The following COL8A1 variants were observed in gnomAD, a reference collection of about 807,000 sequenced individuals.
COL8A1 encodes the protein collagen type VIII alpha 1 chain, also known as collagen alpha-1(VIII) chain.
A neutral mutation model predicts 42.7 loss-of-function variants in COL8A1; 21 were observed. The observed-to-expected ratio is 0.49, with a 90% confidence interval of 0.35 to 0.71. COL8A1 has a LOEUF of 0.71. Among genes scored for constraint, COL8A1 ranks in the 30% least tolerant of loss-of-function variants. COL8A1 has a pLI of 0.01. For synonymous variants in COL8A1, 367 were observed against 369.1 expected (o/e 0.99, Z 0.06); for missense variants, 788 against 962.4 (o/e 0.82, Z 2.40).
intron 1 of COL8A1, chr3:99,680,112 A>C (rs1429298228): frequency 6.6e-6 from 1 of 151,960 alleles, no homozygotes; most frequent in Non-Finnish European, 1.5e-5. Flanking sequence ...CATCATTTAC[A>C]TTAGGTATAT....
intron 2 of COL8A1, among the ~76,000 whole-genome samples, chr3:99,776,280 A>G (rs1941690686): frequency 6.6e-6 from 1 of 152,194 alleles, no homozygotes; most frequent in African/African-American, 2.4e-5. Flanking sequence ...AGAAAAGGGG[A>G]AAAAACAGAA....
At chr3:99,701,735 C>T (rs1939545621) in intron 1 of COL8A1, among the ~76,000 whole-genome samples, 1 of 152,158 alleles carries the variant, frequency 6.6e-6, no homozygotes, top group Non-Finnish European at 1.5e-5. Context: ...AATTTTAGAT[C>T]TGGAAGATCA....
intron 1 of COL8A1, among the ~76,000 whole-genome samples, chr3:99,690,263 T>C (rs1420939939): frequency 6.6e-6 from 1 of 152,236 alleles, no homozygotes; most frequent in Non-Finnish European, 1.5e-5. Flanking sequence ...TTTAATATTC[T>C]TCTGTGCTTT....
chr3:99,768,028 G>A lies in COL8A1; in HGVS notation c.-3-22652G>A, dbSNP rs376602468. Among the ~76,000 whole-genome samples the A allele has an allele frequency of 8.5e-5, 13 of 152,124 alleles. No homozygotes were observed. In the East Asian group the frequency reaches 2.5e-3, roughly 29 times the overall value. On this transcript the variant is annotated intron_variant, in intron 2 of 3. Coordinates refer to ENST00000652472, the MANE Select transcript of COL8A1 (RefSeq NM_020351.4). ...ATAAAAGTAACATTTGATTGAGATC[G>A]GTACATAACTAATCCCATTTCAAAT... is the stretch of plus-strand genomic sequence containing the variant.
rs143982019 is a variant in COL8A1 at position 99,795,695 on chromosome 3, C to T, written c.1794C>T (p.Pro598=). The T allele has an allele frequency of 1.2e-6, 2 of 1,614,130 alleles. No individual in the cohort carries two copies. Among genetic ancestry groups the T allele is most frequent in the Non-Finnish European group, 8.5e-7 (1 of 1,180,018 alleles). Residue 598 remains proline, a synonymous_variant, in exon 4 of 4, where the codon CCC becomes CCT. Coordinates refer to ENST00000652472, the MANE Select transcript of COL8A1 (RefSeq NM_020351.4). ...MGLGIDGVKP[P]HAYGAKKGKN... is the part of the protein sequence containing the mutation. ...TGGGAATTGATGGCGTGAAACCCCC[C>T]CATGCCTACGGGGCTAAGAAAGGCA...
At chr3:99,727,872 C>T (rs1321065102) in intron 1 of COL8A1, among the ~76,000 whole-genome samples, 3 of 151,948 alleles carry the variant, frequency 2.0e-5, no homozygotes, top group Admixed American at 6.6e-5. Flanking sequence ...AGCATATAAA[C>T]AGAACCAAAG....
chr3:99,683,168 T>C (rs1246381142), intron 1 of COL8A1, among the ~76,000 whole-genome samples: 2 of 152,230 alleles, frequency 1.3e-5, no homozygotes, highest in East Asian at 1.9e-4. Context: ...AGTTTTATTA[T>C]AGTACTTATC....
At position 99,795,964 on chromosome 3, in the gene COL8A1, C is replaced by T. The variant is rs573385581; in HGVS notation, c.2063C>T (p.Thr688Met). The T allele has an allele frequency of 2.5e-6, 4 of 1,614,088 alleles. No homozygotes were observed. Among genetic ancestry groups the T allele is most frequent in the African/African-American group, 1.3e-5 (1 of 75,040 alleles). The change falls in exon 4 of 4, where the codon ACG becomes ATG. Residue 688 changes from threonine to methionine, a missense_variant. Physicochemically the swap from Thr to Met is moderately conservative, Grantham distance 81. Coordinates refer to ENST00000652472, the MANE Select transcript of COL8A1 (RefSeq NM_020351.4). ...LFKNNEPVMY[T>M]YDEYKKGFLD... The stretch of plus-strand genomic sequence containing the variant: ...AAGAACAACGAGCCCGTGATGTACA[C>T]GTACGACGAGTACAAAAAGGGCTTC...
chr3:99,794,985 C>G lies in COL8A1; in HGVS notation c.1084C>G (p.Arg362Gly), dbSNP rs558799692. Residue 362 changes from arginine to glycine, a missense_variant, in exon 4 of 4, where the codon CGG becomes GGG. Arg to Gly is a moderately radical substitution (Grantham distance 125). This residue lies in a region of COL8A1 where 421 missense variants were observed against 553.1 expected (regional missense o/e 0.76). Coordinates refer to ENST00000652472, the MANE Select transcript of COL8A1 (RefSeq NM_020351.4). The surrounding 1 kb of genome is among the most constrained non-coding windows in gnomAD (Gnocchi z 4.3). ...AGGCTTCCCAGGACCCAAAGGTGAC[C>G]GGGGCATGGGAGGTGTTCCTGGGGC... ...KPGFPGPKGD[R>G]GMGGVPGALG... 2 of 1,605,198 alleles carry G rather than the reference C, an allele frequency of 1.2e-6. No individual in the cohort carries two copies. Among genetic ancestry groups the G allele is most frequent in the Non-Finnish European group, 1.7e-6 (2 of 1,175,728 alleles).
chr3:99,748,033 A>C (rs1206714992), intron 2 of COL8A1, among the ~76,000 whole-genome samples: 1 of 152,226 alleles, frequency 6.6e-6, no homozygotes, highest in Non-Finnish European at 1.5e-5. Context: ...CTAACAGAGC[A>C]CTTTCACATA....
Position 99,657,503 on chromosome 3 carries a change from C to T in COL8A1, c.-129+18839C>T, listed in dbSNP as rs117288830. The stretch of plus-strand genomic sequence containing the variant: ...AGTAGCTGGTATAGCCTACATATCA[C>T]CCAGTTGAATAATTTATTTCAGTAC... On this transcript the variant is annotated intron_variant, in intron 1 of 3. Transcript: ENST00000652472. Among the ~76,000 whole-genome samples the T allele has an allele frequency of 7.9e-5, 12 of 152,226 alleles. No individual in the cohort carries two copies. In the East Asian group the frequency reaches 2.1e-3, roughly 27 times the overall value.
At chr3:99,774,644 A>G (rs1941656741) in intron 2 of COL8A1, among the ~76,000 whole-genome samples, 1 of 152,064 alleles carries the variant, frequency 6.6e-6, no homozygotes, top group Non-Finnish European at 1.5e-5. Flanking sequence ...CACGTGAACA[A>G]GAGTTTAATG....
intron 1 of COL8A1, among the ~76,000 whole-genome samples, chr3:99,660,458 C>A (rs1323904995): frequency 2.0e-5 from 3 of 152,192 alleles, no homozygotes; most frequent in Non-Finnish European, 4.4e-5. Flanking sequence ...CTCCCATCAT[C>A]GTTGTTACAT....
chr3:99,775,813 A>G (rs111597513), intron 2 of COL8A1, among the ~76,000 whole-genome samples: 234 of 152,308 alleles, frequency 1.5e-3, no homozygotes, highest in African/African-American at 5.2e-3. Flanking sequence ...CATCTGTCAT[A>G]CAAATCTTTG....
Position 99,733,702 on chromosome 3 carries a change from T to C in COL8A1, c.-128-11195T>C, listed in dbSNP as rs4593062. Among the ~76,000 whole-genome samples the C allele has an allele frequency of 9.0e-4, 137 of 151,558 alleles. 1 individual carries two copies. Among genetic ancestry groups the C allele is most frequent in the African/African-American group, 3.1e-3 (129 of 41,402 alleles). On this transcript the variant is annotated intron_variant, in intron 1 of 3. Transcript: ENST00000652472. ...CTGGGTCAAATGGTATTTCCAGTTC[T>C]AGATCCCTGAGGAATCGCCACACTG...
rs573588606 is a variant in COL8A1 at position 99,782,709 on chromosome 3, A to T, written c.-3-7971A>T. Among the ~76,000 whole-genome samples the T allele has an allele frequency of 1.1e-4, 17 of 152,262 alleles. 1 individual carries two copies. The highest frequency in any genetic ancestry group is 1.0e-3 in the Admixed American group (16 of 15,296). The stretch of plus-strand genomic sequence containing the variant: ...ACCCGGCCCCTGACATTATTTATTT[A>T]TAAGTGTGGATATGTTCTTCACATT... On this transcript the variant is annotated intron_variant, in intron 2 of 3. Transcript: ENST00000652472.
chr3:99,643,631 A>T (rs958728112), intron 1 of COL8A1, among the ~76,000 whole-genome samples: 1 of 152,198 alleles, frequency 6.6e-6, no homozygotes, highest in South Asian at 2.1e-4. Flanking sequence ...TGAGTTTAAG[A>T]TTCTCCCTTG....
intron 1 of COL8A1, among the ~76,000 whole-genome samples, chr3:99,641,051 G>C (rs1937497953): frequency 6.6e-6 from 1 of 152,222 alleles, no homozygotes; most frequent in South Asian, 2.1e-4. Flanking sequence ...GTGCATTTTA[G>C]ATGTTCTACT....
intron 1 of COL8A1, among the ~76,000 whole-genome samples, chr3:99,639,290 G>A (rs1486921398): frequency 6.6e-6 from 1 of 152,152 alleles, no homozygotes; most frequent in African/African-American, 2.4e-5. Flanking sequence ...TCTCTCACCA[G>A]GCTATCTTTT....
Sources: gnomAD v4.1 joint callset for allele counts (sites outside exome capture counted in the v4.1 genomes callset) on GRCh38, gnomAD v4.1.1 for gene constraint, gnomAD v4.1.1 regional missense constraint, Gnocchi (gnomAD v3.1) non-coding constraint, MANE v1.5 for transcripts, NCBI Gene and HGNC (gene_info 2026-07-23, HGNC 2026-07-21) for gene names.